TAB1: variants seen among roughly 807,000 people sequenced by gnomAD.
The protein encoded by TAB1 is TGF-beta-activated kinase 1 and MAP3K7-binding protein 1.
In TAB1, 30 loss-of-function variants were observed where a neutral mutation model predicts 54.5. The observed-to-expected ratio is 0.55, with a 90% CI of 0.41 to 0.75. The LOEUF is 0.75. TAB1 is among the 30% of genes least tolerant of loss of function. The pLI, the probability that TAB1 is intolerant of heterozygous loss-of-function variation, is 0.00. For missense variants in TAB1, 609 were observed against 683.2 expected (o/e 0.89, Z 1.21); for synonymous variants, 289 against 286.9 (o/e 1.01, Z -0.07).
At chr22:39,432,341 T>C (rs997020566), downstream of TAB1, 2 of 152,274 alleles carry the variant, frequency 1.3e-5, no homozygotes, top group African/African-American at 4.8e-5. Context: ...GGATCTTCTA[T>C]AAATACCAGT....
At chr22:39,434,487 ACCAAACAAGGATGCAGATTTCTG>A (rs779165481), downstream of TAB1, among the ~76,000 whole-genome samples, 47 of 152,294 alleles carry the variant, frequency 3.1e-4, no homozygotes, top group Non-Finnish European at 5.0e-4. Context: ...CTGTTTTGAA[ACCAAACAAGGATGCAGATTTCTG>A]CCAATCCCGA....
At chr22:39,428,516 C>G (rs1272829751) in intron 10 of TAB1, among the ~76,000 whole-genome samples, 1 of 152,196 alleles carries the variant, frequency 6.6e-6, no homozygotes, top group African/African-American at 2.4e-5. Flanking sequence ...CATTGTCTGG[C>G]CTGTACTGGC....
At chr22:39,429,475 C>G (rs1251637091) in intron 10 of TAB1, 1 of 639,782 alleles carries the variant, frequency 1.6e-6, no homozygotes, top group Non-Finnish European at 1.9e-6. Context: ...CTGAGTGTTC[C>G]ATTTTCTTTC....
downstream of TAB1, among the ~76,000 whole-genome samples, chr22:39,435,390 C>T (rs1351337589): frequency 6.6e-6 from 1 of 151,972 alleles, no homozygotes; most frequent in East Asian, 1.9e-4. Flanking sequence ...CCTAATGAAA[C>T]TCTCCACTGC....
chr22:39,415,255 G>C lies in TAB1; in HGVS notation c.170+113G>C. 7.5e-7 allele frequency: 1 copy of C among 1,337,074 alleles called. No individual in the cohort carries two copies. Among genetic ancestry groups the C allele is most frequent in the Non-Finnish European group, 1.0e-6 (1 of 984,236 alleles). 82.8% of individuals were successfully genotyped at this position (1,337,074 alleles called of 1,614,324 possible). On this transcript the variant is annotated intron_variant, in intron 2 of 10. Coordinates refer to ENST00000216160, the MANE Select transcript of TAB1 (RefSeq NM_006116.3). The surrounding 1 kb of genome is among the most constrained non-coding windows in gnomAD (Gnocchi z 4.9). ...TGGGCTTGCCAGTGACATGTGGCCC[G>C]TGAGAGGTGGCCTCTGCTGCTGTCT...
intron 1 of TAB1, among the ~76,000 whole-genome samples, chr22:39,410,498 CTTT>C (rs34664960): frequency 2.1e-5 from 3 of 145,680 alleles, no homozygotes; most frequent in Non-Finnish European, 3.0e-5. Flanking sequence ...GCCATTTCTA[CTTT>C]TTTTTTTTTT....
At position 39,421,812 on chromosome 22, in the gene TAB1, A is replaced by G. The variant is rs1486010713; in HGVS notation, c.777-15A>G. ...TGTTCCAAGCAAAGCTCTTCCTTCC[A>G]CTCTCTCCCCATAGCGCTGCCAAGT... is the stretch of plus-strand genomic sequence containing the variant. On this transcript the variant is annotated splice_polypyrimidine_tract_variant and intron_variant, in intron 7 of 10. Transcript: ENST00000216160. The G allele has an allele frequency of 6.2e-6, 10 of 1,611,614 alleles. No individual in the cohort carries two copies. The highest frequency in any genetic ancestry group is 7.6e-6 in the Non-Finnish European group (9 of 1,179,030).
Position 39,417,711 on chromosome 22 carries a change from G to C in TAB1, c.412G>C (p.Gly138Arg). 6.2e-7 allele frequency: 1 copy of C among 1,607,872 alleles called. No individual in the cohort carries two copies. The highest frequency in any genetic ancestry group is 8.5e-7 in the Non-Finnish European group (1 of 1,176,890). The change falls in exon 5 of 11, where the codon GGA becomes CGA. Residue 138 changes from glycine to arginine, a missense_variant and splice_region_variant. Gly to Arg is a moderately radical substitution (Grantham distance 125). Coordinates refer to ENST00000216160, the MANE Select transcript of TAB1 (RefSeq NM_006116.3). ...KASLQSQLPE[G>R]VPQHQLPPQY... ...CCTGACCCTCTGTTGATGGTTGTAGGGAGTCCCTCAGCACCAGCTGCCTCC... is the reference window on the plus strand; with the variant it reads ...CCTGACCCTCTGTTGATGGTTGTAGCGAGTCCCTCAGCACCAGCTGCCTCC...
chr22:39,411,995 C>T (rs540545122), intron 1 of TAB1, among the ~76,000 whole-genome samples: 1 of 152,256 alleles, frequency 6.6e-6, no homozygotes, highest in South Asian at 2.1e-4. Flanking sequence ...GTCATGTTTA[C>T]TGCATCATTT....
chr22:39,426,257 A>G (rs1027740270), intron 8 of TAB1, among the ~76,000 whole-genome samples: 54 of 152,250 alleles, frequency 3.5e-4, no homozygotes, highest in African/African-American at 1.1e-3. Context: ...CTCTGAGGTC[A>G]GGGACCCTGT....
intron 7 of TAB1, among the ~76,000 whole-genome samples, chr22:39,420,095 A>G (rs964396977): frequency 7.9e-5 from 12 of 152,176 alleles, no homozygotes; most frequent in Non-Finnish European, 1.5e-4. Flanking sequence ...GAGGTGTGAG[A>G]TGAATTGTGT....
intron 5 of TAB1, 144 bp downstream of exon 5, chr22:39,417,993 C>T (rs1315645486): frequency 5.7e-6 from 6 of 1,056,756 alleles, no homozygotes; most frequent in Non-Finnish European, 7.8e-6. Flanking sequence ...TGTCCCTCTC[C>T]ACAGTGACGC....
intron 1 of TAB1, among the ~76,000 whole-genome samples, chr22:39,406,439 T>G (rs1043731789): frequency 7.0e-6 from 1 of 143,490 alleles, no homozygotes; most frequent in African/African-American, 2.6e-5. Flanking sequence ...GAGTGAAAGA[T>G]AGTTTCTTGA....
At chr22:39,402,273 C>T (rs1926180209) in intron 1 of TAB1, among the ~76,000 whole-genome samples, 1 of 152,178 alleles carries the variant, frequency 6.6e-6, no homozygotes, top group African/African-American at 2.4e-5. Context: ...GCCTTCGCCT[C>T]CCAAAGTGCT....
chr22:39,428,519 G>A (rs1473606491), intron 10 of TAB1, among the ~76,000 whole-genome samples: 2 of 152,220 alleles, frequency 1.3e-5, no homozygotes, highest in Non-Finnish European at 2.9e-5. Flanking sequence ...TGTCTGGCCT[G>A]TACTGGCTTG....
chr22:39,429,426 A>AG, intron 10 of TAB1: 1 of 937,376 alleles, frequency 1.1e-6, no homozygotes, highest in East Asian at 1.2e-4. Flanking sequence ...CTGTCCTGTC[A>AG]CGGCGTCTCT....
intron 1 of TAB1, among the ~76,000 whole-genome samples, chr22:39,413,508 C>T (rs1041402514): frequency 6.6e-6 from 1 of 151,530 alleles, no homozygotes; most frequent in Non-Finnish European, 1.5e-5. Context: ...CCTCCGACTC[C>T]TGGGTTTAAG....
chr22:39,427,029 G>T, intron 9 of TAB1, 104 bp downstream of exon 9: 3 of 1,139,460 alleles, frequency 2.6e-6, no homozygotes, highest in Non-Finnish European at 3.7e-6. Flanking sequence ...GAGTCAGGAG[G>T]CCTGGCTCTG....
In TAB1 at chr22:39,415,074, C is replaced by T. The variant is rs756260880; in HGVS notation, c.102C>T (p.Asn34=). The T allele has an allele frequency of 1.1e-5, 18 of 1,613,726 alleles. No homozygotes were observed. Among genetic ancestry groups the T allele is most frequent in the Non-Finnish European group, 1.5e-5 (18 of 1,179,808 alleles). The change falls in exon 2 of 11, where the codon AAC becomes AAT. Residue 34 remains asparagine, a synonymous_variant. Coordinates refer to ENST00000216160, the MANE Select transcript of TAB1 (RefSeq NM_006116.3). The surrounding 1 kb of genome is among the most constrained non-coding windows in gnomAD (Gnocchi z 4.9). The part of the protein sequence containing the change: ...CHLSGVGSAS[N]RSYSADGKGT... Reference sequence around the variant, plus strand: ...TCTCTGGGGTTGGCTCAGCCTCCAACCGCAGCTACTCTGCTGATGGCAAGG... The same window carrying T: ...TCTCTGGGGTTGGCTCAGCCTCCAATCGCAGCTACTCTGCTGATGGCAAGG...
Sources: gnomAD v4.1 joint callset for allele counts (sites outside exome capture counted in the v4.1 genomes callset) on GRCh38, gnomAD v4.1.1 for gene constraint, Gnocchi (gnomAD v3.1) non-coding constraint, MANE v1.5 for transcripts, NCBI Gene and HGNC (gene_info 2026-07-23, HGNC 2026-07-21) for gene names.